The following ARMC9 variants were observed in gnomAD, a reference collection of about 807,000 sequenced individuals.
The protein encoded by ARMC9 is armadillo repeat containing 9.
In ARMC9, 94 loss-of-function variants were observed where a neutral mutation model predicts 107.0. The ratio of observed to expected loss-of-function variants is 0.88; its 90% CI spans 0.74 to 1.04. The LOEUF is 1.04. Ranked by LOEUF, ARMC9 falls within the 50% of genes least tolerant of loss-of-function variation. The pLI is 0.00. For missense variants in ARMC9, 942 were observed against 1,030.1 expected (o/e 0.91, Z 1.17); for synonymous variants, 380 against 396.9 (o/e 0.96, Z 0.51).
intron 1 of ARMC9, among the ~76,000 whole-genome samples, chr2:231,205,507 TG>T (rs2031840239): frequency 6.6e-6 from 1 of 152,216 alleles, no homozygotes; most frequent in Non-Finnish European, 1.5e-5. Context: ...TTCATTCCTC[TG>T]GGGTTACGGG....
intron 21 of ARMC9, among the ~76,000 whole-genome samples, chr2:231,355,355 A>T (rs1420228735): frequency 4.6e-5 from 7 of 152,146 alleles, no homozygotes; most frequent in African/African-American, 1.7e-4. Flanking sequence ...AAAAAAGAAG[A>T]AAGTTCTGCA....
At chr2:231,344,812 AC>A (rs1279645990) in intron 20 of ARMC9, among the ~76,000 whole-genome samples, 162 bp from the exon 21 acceptor site, 1 of 152,216 alleles carries the variant, frequency 6.6e-6, no homozygotes, top group African/African-American at 2.4e-5. Context: ...GTTTTTCCCC[AC>A]AATTTCTGTT....
At chr2:231,237,370 A>G (rs2035817630) in intron 8 of ARMC9, among the ~76,000 whole-genome samples, 1 of 152,170 alleles carries the variant, frequency 6.6e-6, no homozygotes, top group South Asian at 2.1e-4. Context: ...ATAAGGGTGA[A>G]TCATTATCAG....
intron 9 of ARMC9, among the ~76,000 whole-genome samples, chr2:231,248,059 C>T (rs2036934968): frequency 6.6e-6 from 1 of 152,248 alleles, no homozygotes; most frequent in Non-Finnish European, 1.5e-5. Flanking sequence ...GACAGCTTCA[C>T]CAGATTTGTG....
chr2:231,343,071 G>A (rs2044614416), intron 20 of ARMC9, among the ~76,000 whole-genome samples: 1 of 152,048 alleles, frequency 6.6e-6, no homozygotes, highest in Non-Finnish European at 1.5e-5. Flanking sequence ...GCACCACCAG[G>A]CCTAGCTAAT....
Position 231,358,040 on chromosome 2 carries a change from C to G in ARMC9, c.2131+2106C>G, listed in dbSNP as rs944078758. Among the ~76,000 whole-genome samples, 1 of 152,182 alleles carries G rather than the reference C, an allele frequency of 6.6e-6. No homozygotes were observed. Among genetic ancestry groups the G allele is most frequent in the African/African-American group, 2.4e-5 (1 of 41,436 alleles). On this transcript the variant is annotated intron_variant, in intron 22 of 24. Coordinates refer to ENST00000611582, the MANE Select transcript of ARMC9 (RefSeq NM_001352754.2). This position sits in a 1 kb window ranked among gnomAD's most constrained non-coding sequence, Gnocchi z 4.5. ...CCTGCCCACGGCCTGTTGCGTCTCC[C>G]CAGTTGGCCTCCCTGCCCCTCTCCC...
chr2:231,299,542 G>A (rs894497863), intron 19 of ARMC9, among the ~76,000 whole-genome samples: 4 of 152,180 alleles, frequency 2.6e-5, no homozygotes, highest in African/African-American at 4.8e-5. Context: ...GAGCAAAAGC[G>A]AAATGAATGG....
intron 8 of ARMC9, among the ~76,000 whole-genome samples, chr2:231,238,413 A>G (rs1669091): frequency 0.24 from 35,777 of 152,194 alleles, 5,223 homozygotes; most frequent in Admixed American, 0.37. Flanking sequence ...GCAGTGGTGC[A>G]ATCTCAGCTC....
intron 21 of ARMC9, among the ~76,000 whole-genome samples, chr2:231,352,752 G>A (rs2045155627): frequency 6.9e-6 from 1 of 145,242 alleles, no homozygotes; most frequent in South Asian, 2.1e-4. Flanking sequence ...TAGGTAGGTA[G>A]GTAGACATAG....
chr2:231,369,971 C>T lies in ARMC9; in HGVS notation c.2280C>T (p.Phe760=), dbSNP rs2045954620. The change falls in exon 24 of 25, where the codon TTC becomes TTT. Residue 760 remains phenylalanine (F), a synonymous_variant. Transcript: ENST00000611582. ...GTTCTAGGGAATGTGCATCAGCCTT[C>T]ACCTGCAAGCCCCGGGCCCCCTGCA... is the stretch of plus-strand genomic sequence containing the variant. ...GVTTRECASA[F]TCKPRAPCTP... is the part of the protein sequence containing the mutation. 1 of 1,522,986 alleles carries T rather than the reference C, an allele frequency of 6.6e-7. No homozygotes were observed. The highest frequency in any genetic ancestry group is 2.5e-5 in the East Asian group (1 of 40,468). 94.3% of individuals were successfully genotyped at this position (1,522,986 alleles called of 1,614,324 possible).
chr2:231,199,602 G>A (rs1378932971), intron 1 of ARMC9, among the ~76,000 whole-genome samples: 1 of 152,228 alleles, frequency 6.6e-6, no homozygotes, highest in Admixed American at 6.5e-5. Context: ...AAGGTTAAAT[G>A]TAAAACATTT....
chr2:231,343,861 T>C (rs1427291218), intron 20 of ARMC9, among the ~76,000 whole-genome samples: 5 of 151,302 alleles, frequency 3.3e-5, no homozygotes, highest in Admixed American at 3.3e-4. Flanking sequence ...ATCACTCCAC[T>C]GCACTCCAGC....
intron 17 of ARMC9, among the ~76,000 whole-genome samples, chr2:231,287,569 C>T (rs894393213): frequency 1.3e-5 from 2 of 151,986 alleles, no homozygotes; most frequent in Non-Finnish European, 1.5e-5. Context: ...TCCTTCCTTT[C>T]GACGGGGTCT....
chr2:231,282,857 G>A (rs974097155), intron 17 of ARMC9, among the ~76,000 whole-genome samples: 18 of 152,164 alleles, frequency 1.2e-4, no homozygotes, highest in Admixed American at 7.9e-4. Flanking sequence ...GACCTTAATT[G>A]CCTACTGCTT....
In ARMC9 at chr2:231,282,039, T is replaced by C; in HGVS notation, c.1552-20T>C. ...TATTTGAAAACTTGCAAATAACTGG[T>C]TTTTTTCCTCCCCTTAAAGATACAG... On this transcript the variant is annotated intron_variant, in intron 16 of 24. Transcript: ENST00000611582. 2.5e-6 allele frequency: 4 copies of C among 1,611,188 alleles called. No homozygotes were observed. The highest frequency in any genetic ancestry group is 1.3e-5 in the African/African-American group (1 of 74,400).
In ARMC9 at chr2:231,230,515, T is replaced by C. The variant is rs137951134; in HGVS notation, c.622+3717T>C. On this transcript the variant is annotated intron_variant, in intron 7 of 24. Coordinates refer to ENST00000611582, the MANE Select transcript of ARMC9 (RefSeq NM_001352754.2). ...CTATCACCCACGTAGCTTCTAGTCATGGACAGGTCTTGTTTGTAGCTAGTT... is the reference window on the plus strand; with the variant it reads ...CTATCACCCACGTAGCTTCTAGTCACGGACAGGTCTTGTTTGTAGCTAGTT... Among the ~76,000 whole-genome samples the C allele has an allele frequency of 1.0e-3, 157 of 152,334 alleles. 1 individual carries two copies. Among genetic ancestry groups the C allele is most frequent in the African/African-American group, 3.4e-3 (141 of 41,578 alleles).
At chr2:231,229,649 G>T (rs984519103) in intron 7 of ARMC9, among the ~76,000 whole-genome samples, 2 of 152,162 alleles carry the variant, frequency 1.3e-5, no homozygotes, top group Non-Finnish European at 1.5e-5. Context: ...ATTTTAAAAA[G>T]TAATGACTCA....
In ARMC9 at chr2:231,362,075, G is replaced by A. The variant is rs1311901834; in HGVS notation, c.2261+1192G>A. Among the ~76,000 whole-genome samples the A allele has an allele frequency of 2.6e-5, 4 of 152,126 alleles. No homozygotes were observed. Among genetic ancestry groups the A allele is most frequent in the African/African-American group, 7.2e-5 (3 of 41,396 alleles). Reference sequence around the variant, plus strand: ...ATCTTTAAGAAGCACGGGGTCAAAGGTGGCTGCATTACTGGGGGAGGGGCC... The same window carrying A: ...ATCTTTAAGAAGCACGGGGTCAAAGATGGCTGCATTACTGGGGGAGGGGCC... On this transcript the variant is annotated intron_variant, in intron 23 of 24. Coordinates refer to ENST00000611582, the MANE Select transcript of ARMC9 (RefSeq NM_001352754.2). The surrounding 1 kb of genome is among the most constrained non-coding windows in gnomAD (Gnocchi z 4.7).
chr2:231,227,940 G>A (rs186669645), intron 7 of ARMC9, among the ~76,000 whole-genome samples: 1 of 152,274 alleles, frequency 6.6e-6, no homozygotes, highest in African/African-American at 2.4e-5. Context: ...TACAGATACG[G>A]CCCCATGGGA....
Sources: allele counts gnomAD v4.1 joint callset (sites outside exome capture counted in the v4.1 genomes callset), GRCh38; gene constraint gnomAD v4.1.1; non-coding constraint Gnocchi (gnomAD v3.1); transcripts MANE v1.5; gene names NCBI Gene and HGNC (gene_info 2026-07-23, HGNC 2026-07-21).